CABLES1: variants seen among roughly 807,000 people sequenced by gnomAD.
The protein encoded by CABLES1 is CDK5 and ABL1 enzyme substrate 1.
CABLES1 carries 36 observed loss-of-function variants against 57.8 expected under a neutral mutation model. That is an observed-to-expected ratio of 0.62 (90% CI 0.48 to 0.82). CABLES1 has a LOEUF of 0.82. Among genes scored for constraint, CABLES1 ranks in the 40% least tolerant of loss-of-function variants. The pLI is 0.00. For missense variants in CABLES1, 767 were observed against 836.6 expected, an observed-to-expected ratio of 0.92 and a Z score of 1.03; for synonymous variants, 374 against 363.0, an observed-to-expected ratio of 1.03 and a Z score of -0.35.
chr18:23,156,039 GGAAATT>G, intron 1 of CABLES1: 3 of 1,462,502 alleles, frequency 2.1e-6, no homozygotes, highest in South Asian at 1.1e-5. Flanking sequence ...GGTCTTTGTT[GGAAATT>G]GATCTCTGAG....
At chr18:23,252,901 T>C (rs2048073889) in intron 7 of CABLES1, 59 bp from the exon 8 acceptor site, 27 of 1,192,890 alleles carry the variant, frequency 2.3e-5, no homozygotes, top group Non-Finnish European at 3.4e-5. Context: ...AGTTGGTGCA[T>C]AATTATTACA....
chr18:23,181,017 C>CT (rs1283888262), intron 1 of CABLES1, among the ~76,000 whole-genome samples: 1 of 152,146 alleles, frequency 6.6e-6, no homozygotes, highest in African/African-American at 2.4e-5. Context: ...GGCTTGGTGA[C>CT]TAAGTCGGTA....
At chr18:23,206,602 G>C (rs1054106045) in intron 3 of CABLES1, among the ~76,000 whole-genome samples, 2 of 152,180 alleles carry the variant, frequency 1.3e-5, no homozygotes, top group Non-Finnish European at 2.9e-5. Context: ...GGATGTCCAC[G>C]TTGGACTTCT....
intron 1 of CABLES1, among the ~76,000 whole-genome samples, chr18:23,156,108 C>CT (rs1386514135): frequency 6.6e-6 from 1 of 152,074 alleles, no homozygotes; most frequent in East Asian, 1.9e-4. Flanking sequence ...GCAGCGGGGG[C>CT]TGGAGGGTGG....
Position 23,180,038 on chromosome 18 carries a change from C to A in CABLES1, c.846-8800C>A, listed in dbSNP as rs559718166. On this transcript the variant is annotated intron_variant, in intron 1 of 9. Transcript: ENST00000256925. ...GGTTCAGGCCATTCTCCTGCCTCAG[C>A]CTTCTGAGTAGCTGGGACTACAGGC... 1.8e-4 allele frequency among the ~76,000 whole-genome samples: 27 copies of A among 152,322 alleles called. No individual in the cohort carries two copies. In the South Asian group the frequency reaches 5.4e-3, roughly 30 times the overall value.
intron 4 of CABLES1, among the ~76,000 whole-genome samples, chr18:23,224,947 A>T (rs543771422): frequency 6.6e-6 from 1 of 152,210 alleles, no homozygotes; most frequent in Non-Finnish European, 1.5e-5. Flanking sequence ...AGCTCACTGC[A>T]GCCTTGACCT....
At chr18:23,202,972 G>C (rs1683324503) in intron 3 of CABLES1, among the ~76,000 whole-genome samples, 1 of 141,548 alleles carries the variant, frequency 7.1e-6, no homozygotes, top group South Asian at 2.3e-4. Flanking sequence ...GGGAGACAGA[G>C]CAAGACTCCA....
intron 3 of CABLES1, 96 bp downstream of exon 3, chr18:23,194,636 A>G: frequency 1.3e-6 from 1 of 773,164 alleles, no homozygotes; most frequent in Admixed American, 2.0e-5. Flanking sequence ...CAGCAAACGC[A>G]AGCCCACACT....
At chr18:23,135,123 A>C (rs576669280), upstream of CABLES1, among the ~76,000 whole-genome samples, 1 of 152,172 alleles carries the variant, frequency 6.6e-6, no homozygotes, top group African/African-American at 2.4e-5. Flanking sequence ...CCAGGACCTA[A>C]CCCACCGGGT....
intron 3 of CABLES1, among the ~76,000 whole-genome samples, chr18:23,212,390 G>C (rs953433467): frequency 5.3e-5 from 8 of 152,208 alleles, no homozygotes; most frequent in African/African-American, 1.9e-4. Context: ...AGAAGTGTTA[G>C]TAAGCTGACC....
At chr18:23,151,626 C>T (rs1325958319) in intron 1 of CABLES1, among the ~76,000 whole-genome samples, 2 of 152,036 alleles carry the variant, frequency 1.3e-5, no homozygotes, top group Non-Finnish European at 2.9e-5. Context: ...AGTCACAGAG[C>T]GGGGACAGCC....
intron 2 of CABLES1, 39 bp downstream of exon 2, chr18:23,188,948 A>C: frequency 2.2e-6 from 3 of 1,368,382 alleles, no homozygotes; most frequent in Non-Finnish European, 3.1e-6. Flanking sequence ...TAAACAGTAC[A>C]CCATGACAGC....
chr18:23,256,633 G>A (rs1440411467), intron 9 of CABLES1, among the ~76,000 whole-genome samples: 4 of 151,818 alleles, frequency 2.6e-5, no homozygotes, highest in Non-Finnish European at 2.9e-5. Context: ...GGCGCCCACC[G>A]CCACGCCCGG....
At chr18:23,245,384 A>C (rs918105825) in intron 7 of CABLES1, among the ~76,000 whole-genome samples, 8 of 151,566 alleles carry the variant, frequency 5.3e-5, no homozygotes, top group African/African-American at 9.7e-5. Context: ...GGTGGCGTGC[A>C]CCTGTAGTCC....
chr18:23,237,098 C>G (rs199957517), intron 6 of CABLES1, 44 bp from the exon 7 acceptor site: 1 of 1,151,818 alleles, frequency 8.7e-7, no homozygotes, highest in African/African-American at 1.5e-5. Flanking sequence ...GGGGAGGGTC[C>G]GGAGCCGCTA....
At chr18:23,185,031 G>A (rs944245857) in intron 1 of CABLES1, among the ~76,000 whole-genome samples, 1 of 152,182 alleles carries the variant, frequency 6.6e-6, no homozygotes, top group South Asian at 2.1e-4. Flanking sequence ...GTAATAATGT[G>A]TGTGTGTGAA....
intron 7 of CABLES1, among the ~76,000 whole-genome samples, chr18:23,251,325 C>CCTGT (rs2145130114): frequency 6.6e-6 from 1 of 152,296 alleles, no homozygotes; most frequent in Non-Finnish European, 1.5e-5. Flanking sequence ...GTGGCACATG[C>CCTGT]CTGTAGTTCC....
At chr18:23,139,467 T>C (rs1224702088) in intron 1 of CABLES1, among the ~76,000 whole-genome samples, 1 of 151,930 alleles carries the variant, frequency 6.6e-6, no homozygotes. Context: ...CCTTTCTTCT[T>C]GGTTACTTTC....
chr18:23,188,359 C>G (rs2047217596), intron 1 of CABLES1, among the ~76,000 whole-genome samples: 1 of 152,190 alleles, frequency 6.6e-6, no homozygotes. Flanking sequence ...ATCCAGGGAG[C>G]ATAACCTTTT....
Sources: allele counts gnomAD v4.1 joint callset (sites outside exome capture counted in the v4.1 genomes callset), GRCh38; gene constraint gnomAD v4.1.1; transcripts MANE v1.5; gene names NCBI Gene and HGNC (gene_info 2026-07-23, HGNC 2026-07-21).